The following SKAP2 variants were observed in gnomAD, a reference collection of about 807,000 sequenced individuals.
SKAP2 encodes the protein src kinase associated phosphoprotein 2.
In SKAP2, 28 loss-of-function variants were observed where a neutral mutation model predicts 54.9. The ratio of observed to expected loss-of-function variants is 0.51; its 90% CI spans 0.38 to 0.70. SKAP2 has a LOEUF of 0.70. Among genes scored for constraint, SKAP2 ranks in the 30% least tolerant of loss-of-function variants. SKAP2 has a pLI of 0.00. For synonymous variants in SKAP2, 137 were observed against 134.3 expected (o/e 1.02, Z -0.14); for missense variants, 356 against 424.1 (o/e 0.84, Z 1.41).
chr7:26,764,250 G>C (rs1782995712), intron 4 of SKAP2, among the ~76,000 whole-genome samples: 1 of 151,964 alleles, frequency 6.6e-6, no homozygotes. Context: ...CCAGCAACTA[G>C]GTACAGTACC....
intron 4 of SKAP2, among the ~76,000 whole-genome samples, chr7:26,795,560 G>A (rs1197234241): frequency 6.6e-6 from 1 of 152,084 alleles, no homozygotes; most frequent in African/African-American, 2.4e-5. Context: ...CACTGTAAGT[G>A]GAACAAAATT....
chr7:26,703,198 C>T (rs1787082168), intron 9 of SKAP2, among the ~76,000 whole-genome samples: 1 of 152,002 alleles, frequency 6.6e-6, no homozygotes, highest in Non-Finnish European at 1.5e-5. Context: ...TTGGGCCACA[C>T]ATAAGATAAA....
At chr7:26,672,431 C>T (rs1301182309) in intron 11 of SKAP2, among the ~76,000 whole-genome samples, 2 of 151,762 alleles carry the variant, frequency 1.3e-5, no homozygotes, top group African/African-American at 4.8e-5. Flanking sequence ...GCTTAATCAA[C>T]TATAAACAAA....
chr7:26,837,481 G>A (rs749900960), intron 4 of SKAP2, among the ~76,000 whole-genome samples: 10 of 151,954 alleles, frequency 6.6e-5, no homozygotes, highest in Non-Finnish European at 1.3e-4. Context: ...CACAACACAC[G>A]GTAAAAGAAC....
chr7:26,718,500 ATTTATTTTAT>A (rs923686887), intron 9 of SKAP2, among the ~76,000 whole-genome samples: 13 of 151,530 alleles, frequency 8.6e-5, no homozygotes, highest in East Asian at 5.8e-4. Context: ...TTTTATTTTA[ATTTATTTTAT>A]TTTATTTTAT....
intron 10 of SKAP2, among the ~76,000 whole-genome samples, chr7:26,689,389 C>A (rs1192377989): frequency 1.3e-5 from 2 of 152,182 alleles, no homozygotes; most frequent in Non-Finnish European, 2.9e-5. Flanking sequence ...TCAAAACTAA[C>A]CTCATGCTTG....
chr7:26,717,918 C>T (rs113609951), intron 9 of SKAP2, among the ~76,000 whole-genome samples: 5 of 151,820 alleles, frequency 3.3e-5, no homozygotes, highest in African/African-American at 1.2e-4. Flanking sequence ...AGACACAAAG[C>T]TACTTTTGAC....
chr7:26,855,067 A>T, intron 1 of SKAP2, 177 bp from the exon 2 acceptor site: 1 of 449,152 alleles, frequency 2.2e-6, no homozygotes, highest in Non-Finnish European at 3.9e-6. Context: ...AAGTTGAACA[A>T]ATCTGATCAC....
intron 9 of SKAP2, among the ~76,000 whole-genome samples, chr7:26,712,310 T>C (rs925438546): frequency 2.0e-5 from 3 of 152,218 alleles, no homozygotes; most frequent in Non-Finnish European, 4.4e-5. Context: ...ATTCAATCTG[T>C]AATTTGATCT....
intron 1 of SKAP2, among the ~76,000 whole-genome samples, chr7:26,861,615 C>CTTTTTTTTT (rs34331819): frequency 1.7e-5 from 2 of 116,148 alleles, no homozygotes; most frequent in African/African-American, 6.7e-5. Flanking sequence ...ATAACAACCT[C>CTTTTTTTTT]TTTTTTTTTT....
rs73686604 is a variant in SKAP2 at position 26,706,896 on chromosome 7, G to A, written c.797-16534C>T. ...TTATAAAACCAAAGTGTACATTTGG[G>A]TCTGGATGGATCTCTATTTGATTTA... On this transcript the variant is annotated intron_variant, in intron 9 of 12. Coordinates refer to ENST00000345317, the MANE Select transcript of SKAP2 (RefSeq NM_003930.5). 8.5e-3 allele frequency among the ~76,000 whole-genome samples: 1,298 copies of A among 152,262 alleles called. 15 individuals are homozygous for A. Among genetic ancestry groups the A allele is most frequent in the African/African-American group, 0.03 (1,243 of 41,536 alleles).
intron 4 of SKAP2, among the ~76,000 whole-genome samples, chr7:26,841,822 C>T (rs955761884): frequency 1.3e-5 from 2 of 152,014 alleles, no homozygotes; most frequent in Admixed American, 1.3e-4. Flanking sequence ...AGTTTAGATA[C>T]TTTCTTAGTG....
rs142305592 is a variant in SKAP2 at position 26,788,441 on chromosome 7, A to G, written c.308-48477T>C. ...AGCATTCTGAAGGAAAAAAAAAACTAGTATATAAATCCAAGTAATAATTAG... is the reference window on the plus strand; with the variant it reads ...AGCATTCTGAAGGAAAAAAAAAACTGGTATATAAATCCAAGTAATAATTAG... On this transcript the variant is annotated intron_variant, in intron 4 of 12. Coordinates refer to ENST00000345317, the MANE Select transcript of SKAP2 (RefSeq NM_003930.5). 4.8e-3 allele frequency among the ~76,000 whole-genome samples: 729 copies of G among 152,298 alleles called. 8 individuals are homozygous for G. Among genetic ancestry groups the G allele is most frequent in the African/African-American group, 0.017 (686 of 41,574 alleles).
intron 3 of SKAP2, among the ~76,000 whole-genome samples, chr7:26,847,507 A>T (rs1322566387): frequency 6.6e-6 from 1 of 152,226 alleles, no homozygotes; most frequent in African/African-American, 2.4e-5. Context: ...AATTAAAAAA[A>T]AAAAAGTTCA....
chr7:26,764,408 A>T (rs902390509), intron 4 of SKAP2, among the ~76,000 whole-genome samples: 6 of 152,192 alleles, frequency 3.9e-5, no homozygotes, highest in Non-Finnish European at 8.8e-5. Flanking sequence ...AGACGATTCA[A>T]TCTTTCTAGA....
chr7:26,779,802 A>T (rs1783388802), intron 4 of SKAP2, among the ~76,000 whole-genome samples: 1 of 152,042 alleles, frequency 6.6e-6, no homozygotes, highest in Non-Finnish European at 1.5e-5. Flanking sequence ...TTAAAAAACA[A>T]GTAATTTGTG....
At chr7:26,738,655 T>A in intron 6 of SKAP2, 140 bp downstream of exon 6, 2 of 564,668 alleles carry the variant, frequency 3.5e-6, no homozygotes, top group Non-Finnish European at 3.1e-6. Context: ...AAATGAATCA[T>A]AAATTAGTCA....
intron 4 of SKAP2, among the ~76,000 whole-genome samples, chr7:26,837,668 G>A (rs566162908): frequency 7.2e-5 from 11 of 152,236 alleles, no homozygotes; most frequent in East Asian, 5.8e-4. Context: ...TGATTTGGGC[G>A]GAGATAAATA....
chr7:26,670,559 A>G (rs1232662954), intron 11 of SKAP2, among the ~76,000 whole-genome samples: 3 of 152,090 alleles, frequency 2.0e-5, no homozygotes, highest in Non-Finnish European at 4.4e-5. Flanking sequence ...AGGATCCTTA[A>G]GCTATTATAT....
Sources: gnomAD v4.1 joint callset for allele counts (sites outside exome capture counted in the v4.1 genomes callset) on GRCh38, gnomAD v4.1.1 for gene constraint, MANE v1.5 for transcripts, NCBI Gene and HGNC (gene_info 2026-07-23, HGNC 2026-07-21) for gene names.